Variants in RNF130 observed in about 807,000 individuals in gnomAD.
The protein encoded by RNF130 is E3 ubiquitin-protein ligase RNF130.
Under a neutral mutation model 44.6 loss-of-function variants are expected in RNF130, and 21 were observed. That is an observed-to-expected ratio of 0.47 (90% CI 0.33 to 0.68). The LOEUF is 0.68. RNF130 is among the 30% of genes least tolerant of loss of function. RNF130 has a pLI of 0.02. For synonymous variants in RNF130, 214 were observed against 210.4 expected (o/e 1.02, Z -0.15); for missense variants, 479 against 560.6 (o/e 0.85, Z 1.47).
chr5:179,967,737 G>A (rs1370709546), intron 6 of RNF130, among the ~76,000 whole-genome samples: 1 of 152,220 alleles, frequency 6.6e-6, no homozygotes, highest in Non-Finnish European at 1.5e-5. Context: ...AGGGGTGGTT[G>A]TGAGAAGTTT....
intron 2 of RNF130, among the ~76,000 whole-genome samples, chr5:180,032,110 A>G (rs1485264008): frequency 3.3e-5 from 5 of 152,362 alleles, no homozygotes; most frequent in Non-Finnish European, 4.4e-5. Context: ...TGCAAGTCCT[A>G]TATCAGATGT....
chr5:180,063,768 T>C (rs1271096132), intron 1 of RNF130, among the ~76,000 whole-genome samples: 1 of 152,218 alleles, frequency 6.6e-6, no homozygotes, highest in Admixed American at 6.5e-5. Context: ...CACTCAGCTG[T>C]TGAGCTGTAG....
At chr5:179,960,072 TTTC>T (rs1185137753) in intron 8 of RNF130, among the ~76,000 whole-genome samples, 1 of 152,180 alleles carries the variant, frequency 6.6e-6, no homozygotes, top group Non-Finnish European at 1.5e-5. Context: ...AATATTTATT[TTTC>T]TTATTTTGAG....
chr5:180,067,197 G>A (rs185400128), intron 1 of RNF130, among the ~76,000 whole-genome samples: 4 of 152,340 alleles, frequency 2.6e-5, no homozygotes, highest in Admixed American at 2.6e-4. Context: ...CTGACAGGTA[G>A]CTAAGCCTTA....
chr5:180,059,178 C>T (rs192358907), intron 1 of RNF130, among the ~76,000 whole-genome samples: 7 of 152,242 alleles, frequency 4.6e-5, no homozygotes, highest in Admixed American at 3.3e-4. Context: ...TTTTAGTCTT[C>T]GTGTATATTT....
chr5:180,024,532 C>T (rs76193404), intron 2 of RNF130, among the ~76,000 whole-genome samples: 2,168 of 152,100 alleles, frequency 0.014, 53 homozygotes, highest in African/African-American at 0.048. Flanking sequence ...CAAACAACAC[C>T]TTTGAAGTGC....
exon 8 of RNF130, chr5:179,914,912 G>C (rs1443000756): frequency 6.6e-6 from 1 of 152,128 alleles, no homozygotes; most frequent in Non-Finnish European, 1.5e-5. Context: ...TGCGTGTGTA[G>C]TCCCAGTTAC....
chr5:179,984,073 A>C (rs1762900004), intron 3 of RNF130, among the ~76,000 whole-genome samples: 1 of 152,232 alleles, frequency 6.6e-6, no homozygotes, highest in Middle Eastern at 3.4e-3. Flanking sequence ...AAACCAATTC[A>C]ATTATTCATT....
At chr5:180,012,024 C>G (rs887685260) in intron 3 of RNF130, among the ~76,000 whole-genome samples, 2 of 152,032 alleles carry the variant, frequency 1.3e-5, no homozygotes, top group African/African-American at 4.8e-5. Flanking sequence ...CCACAGTCAG[C>G]GTTTGGGTAT....
intron 3 of RNF130, among the ~76,000 whole-genome samples, chr5:180,006,984 T>G (rs891526142): frequency 1.3e-5 from 2 of 152,190 alleles, no homozygotes; most frequent in African/African-American, 4.8e-5. Context: ...AGCCAAAGCA[T>G]TAGATTCTTA....
chr5:179,927,382 A>G (rs1301606826), intron 7 of RNF130, among the ~76,000 whole-genome samples: 3 of 152,198 alleles, frequency 2.0e-5, no homozygotes, highest in East Asian at 3.9e-4. Flanking sequence ...GGCATAACCT[A>G]CATACAGATA....
chr5:179,933,795 T>C (rs1321119415), intron 7 of RNF130: 1 of 634,370 alleles, frequency 1.6e-6, no homozygotes, highest in African/African-American at 1.8e-5. Context: ...TTTAAGTATG[T>C]ATTACATCAC....
downstream of RNF130, among the ~76,000 whole-genome samples, chr5:179,952,465 A>C (rs570178289): frequency 6.6e-6 from 1 of 152,314 alleles, no homozygotes; most frequent in East Asian, 1.9e-4. Flanking sequence ...TTTCCAAAAA[A>C]CAGAAGAGGA....
At position 179,968,453 on chromosome 5, in the gene RNF130, G is replaced by A. The variant is rs187499194; in HGVS notation, c.946-1443C>T. Among the ~76,000 whole-genome samples the A allele has an allele frequency of 8.5e-4, 130 of 152,144 alleles. 1 individual carries two copies. The highest frequency in any genetic ancestry group is 3.1e-3 in the African/African-American group (127 of 41,494). On this transcript the variant is annotated intron_variant, in intron 6 of 8. Coordinates refer to ENST00000521389, the MANE Select transcript of RNF130 (RefSeq NM_018434.6). ...GGCCGAGAAGGGCAGATCACTTGAGGTCAGGAGTTTGAGACCAGCCTGGCC... is the reference window on the plus strand; with the variant it reads ...GGCCGAGAAGGGCAGATCACTTGAGATCAGGAGTTTGAGACCAGCCTGGCC...
chr5:180,013,481 T>C (rs187987241), intron 2 of RNF130, among the ~76,000 whole-genome samples, 170 bp from the exon 3 acceptor site: 3 of 152,280 alleles, frequency 2.0e-5, no homozygotes, highest in Admixed American at 2.0e-4. Flanking sequence ...TGGCACCAAG[T>C]AGGAACATGT....
chr5:179,954,745 C>T (rs1423860208), downstream of RNF130, among the ~76,000 whole-genome samples: 1 of 152,144 alleles, frequency 6.6e-6, no homozygotes, highest in African/African-American at 2.4e-5. Context: ...TCCTTTCAGC[C>T]CCCTGCTGAT....
At chr5:180,018,502 G>C (rs1056392298) in intron 2 of RNF130, among the ~76,000 whole-genome samples, 6 of 152,106 alleles carry the variant, frequency 3.9e-5, no homozygotes, top group Non-Finnish European at 8.8e-5. Flanking sequence ...CACTAGCCAT[G>C]ATTCAATGAC....
intron 1 of RNF130, among the ~76,000 whole-genome samples, chr5:180,059,557 C>G (rs1467838596): frequency 2.0e-5 from 3 of 152,156 alleles, no homozygotes; most frequent in African/African-American, 7.2e-5. Flanking sequence ...TTTTTCTGAT[C>G]CAGATGAATT....
intron 2 of RNF130, among the ~76,000 whole-genome samples, chr5:180,032,616 G>A (rs1289819501): frequency 6.6e-6 from 1 of 152,090 alleles, no homozygotes; most frequent in Non-Finnish European, 1.5e-5. Context: ...CTGAATGATC[G>A]TGGCACTTTT....
Sources: allele counts gnomAD v4.1 joint callset (sites outside exome capture counted in the v4.1 genomes callset), GRCh38; gene constraint gnomAD v4.1.1; transcripts MANE v1.5; gene names NCBI Gene and HGNC (gene_info 2026-07-23, HGNC 2026-07-21).